SNAP47: variants seen among roughly 807,000 people sequenced by gnomAD.
SNAP47 encodes the protein synaptosome associated protein 47.
Under a neutral mutation model 31.4 loss-of-function variants are expected in SNAP47, and 20 were observed. That is an observed-to-expected ratio of 0.64 (90% confidence interval 0.45 to 0.93). The LOEUF (loss-of-function observed/expected upper bound fraction) is 0.93, where lower values mean the gene tolerates loss of function less well. SNAP47 is among the 40% of genes least tolerant of loss of function. SNAP47 has a pLI of 0.00. For synonymous variants in SNAP47, 194 were observed against 213.4 expected, an observed-to-expected ratio of 0.91 and a Z score of 0.79; for missense variants, 492 against 528.5, an observed-to-expected ratio of 0.93 and a Z score of 0.68.
intron 2 of SNAP47, among the ~76,000 whole-genome samples, chr1:227,749,979 A>G (rs111227755): frequency 3.3e-4 from 50 of 152,398 alleles, no homozygotes; most frequent in African/African-American, 1.1e-3. Flanking sequence ...TAGCACCCAC[A>G]GCTGCAGTGG....
upstream of SNAP47, chr1:227,732,266 A>G (rs769668323): frequency 5.3e-6 from 6 of 1,133,844 alleles, no homozygotes; most frequent in Non-Finnish European, 7.7e-6. Flanking sequence ...GGCCATGAAC[A>G]GCCAGGCCAC....
At chr1:227,755,336 T>C (rs1380236687) in intron 2 of SNAP47, among the ~76,000 whole-genome samples, 1 of 152,186 alleles carries the variant, frequency 6.6e-6, no homozygotes, top group Non-Finnish European at 1.5e-5. Flanking sequence ...CCCATGTAGC[T>C]GGACCACAGG....
chr1:227,736,917 A>T (rs1329809454), intron 1 of SNAP47, among the ~76,000 whole-genome samples: 1 of 151,932 alleles, frequency 6.6e-6, no homozygotes, highest in Non-Finnish European at 1.5e-5. Flanking sequence ...CTCCCTAGGT[A>T]TGTCTCTTGG....
chr1:227,773,561 C>T (rs1027792012), intron 4 of SNAP47, among the ~76,000 whole-genome samples: 6 of 152,242 alleles, frequency 3.9e-5, no homozygotes, highest in African/African-American at 1.4e-4. Context: ...TAAGCCTTCA[C>T]GCTCACTCAC....
Position 227,747,731 on chromosome 1 carries a change from G to C in SNAP47, c.-6G>C. Reference sequence around the variant, plus strand: ...TGGACCTTGGCGCACACAGACCCAGGAACAGATGAGCAGGGATGTCTGCAT... The same window carrying C: ...TGGACCTTGGCGCACACAGACCCAGCAACAGATGAGCAGGGATGTCTGCAT... On this transcript the variant is annotated 5_prime_UTR_variant, in exon 2 of 5. Transcript: ENST00000617596. The C allele has an allele frequency of 3.1e-6, 5 of 1,612,796 alleles. No individual in the cohort carries two copies. The highest frequency in any genetic ancestry group is 4.2e-6 in the Non-Finnish European group (5 of 1,179,018).
At chr1:227,743,497 C>G (rs1249020520) in intron 1 of SNAP47, among the ~76,000 whole-genome samples, 1 of 152,244 alleles carries the variant, frequency 6.6e-6, no homozygotes, top group Non-Finnish European at 1.5e-5. Flanking sequence ...GTAGTCACTG[C>G]TGGCCTCGGC....
chr1:227,745,520 C>CA (rs1229919968), intron 1 of SNAP47, among the ~76,000 whole-genome samples: 2 of 152,192 alleles, frequency 1.3e-5, no homozygotes, highest in African/African-American at 4.8e-5. Flanking sequence ...GAAGGACCCA[C>CA]ACCCCAGAAT....
chr1:227,731,908 C>T (rs1307446764), upstream of SNAP47: 1 of 169,018 alleles, frequency 5.9e-6, no homozygotes, highest in Non-Finnish European at 1.3e-5. Flanking sequence ...AGCCCATCAC[C>T]TGGAGGTGAT....
upstream of SNAP47, chr1:227,733,055 T>C: frequency 1.2e-6 from 2 of 1,611,648 alleles, no homozygotes; most frequent in South Asian, 2.2e-5. Context: ...CAGGCAGGCC[T>C]GAGCCCATGG....
Position 227,763,295 on chromosome 1 carries a change from CT to C in SNAP47, c.989-3661del, listed in dbSNP as rs945960872. Among the ~76,000 whole-genome samples the C allele has an allele frequency of 3.3e-5, 5 of 152,272 alleles. No homozygotes were observed. Among genetic ancestry groups the C allele is most frequent in the African/African-American group, 1.2e-4 (5 of 41,564 alleles). On this transcript the variant is annotated intron_variant, in intron 3 of 4. Coordinates refer to ENST00000617596, the MANE Select transcript of SNAP47 (RefSeq NM_053052.4). This position sits in a 1 kb window ranked among gnomAD's most constrained non-coding sequence, Gnocchi z 4.2. ...AGGCTGTTTGATCACTGAGATTTTT[CT>C]TTGTCACTCACTGCCTGTCTTGGGG... is the stretch of plus-strand genomic sequence containing the variant.
intron 2 of SNAP47, among the ~76,000 whole-genome samples, chr1:227,753,467 G>A (rs148949937): frequency 6.6e-6 from 1 of 152,250 alleles, no homozygotes; most frequent in African/African-American, 2.4e-5. Flanking sequence ...TGTCCCCTGT[G>A]GTGCAGAAAC....
chr1:227,732,952 CCTG>C, upstream of SNAP47: 1 of 1,613,288 alleles, frequency 6.2e-7, no homozygotes, highest in Non-Finnish European at 8.5e-7. Context: ...GCGCATAGCT[CCTG>C]CTGCAAGAAG....
At position 227,774,042 on chromosome 1, in the gene SNAP47, G is replaced by A. The variant is rs564119491; in HGVS notation, c.1114-6485G>A. ...GCTTCCCTCTGCTGTGGTTGGAGGA[G>A]ACACCTGCTGTGGATCCATCTCTCT... On this transcript the variant is annotated intron_variant, in intron 4 of 4. Transcript: ENST00000617596. Among the ~76,000 whole-genome samples, 52 of 152,346 alleles carry A rather than the reference G, an allele frequency of 3.4e-4. No homozygotes were observed. The Middle Eastern group carries it at 0.014, about 40-fold the overall frequency.
At chr1:227,743,261 G>T (rs531574663) in intron 1 of SNAP47, among the ~76,000 whole-genome samples, 2 of 152,308 alleles carry the variant, frequency 1.3e-5, no homozygotes, top group South Asian at 4.1e-4. Flanking sequence ...CTTGGCCTTG[G>T]TGTGTGCTGC....
chr1:227,775,667 A>G (rs1329808571), intron 4 of SNAP47: 2 of 1,004,296 alleles, frequency 2.0e-6, no homozygotes, highest in African/African-American at 1.7e-5. Context: ...GCATGGACAC[A>G]CAGCTGCTTT....
intron 1 of SNAP47, among the ~76,000 whole-genome samples, chr1:227,740,606 G>C (rs2102894463): frequency 6.6e-6 from 1 of 152,306 alleles, no homozygotes; most frequent in South Asian, 2.1e-4. Flanking sequence ...AGTGTGTGAT[G>C]AGTGAGTCCC....
At chr1:227,767,180 A>G in intron 4 of SNAP47, 97 bp downstream of exon 4, 1 of 1,524,192 alleles carries the variant, frequency 6.6e-7, no homozygotes, top group Non-Finnish European at 8.9e-7. Context: ...GCTCTGGGTC[A>G]TCCATCCGTA....
Position 227,762,746 on chromosome 1 carries a change from C to G in SNAP47, c.988+3261C>G, listed in dbSNP as rs899862922. On this transcript the variant is annotated intron_variant, in intron 3 of 4. Transcript: ENST00000617596. The surrounding 1 kb of genome is among the most constrained non-coding windows in gnomAD (Gnocchi z 4.2). ...CACTCGTCCTTGCGTTGAGGAGCACCCAGGACCGCACAATCACCCTCCTCA... is the reference window on the plus strand; with the variant it reads ...CACTCGTCCTTGCGTTGAGGAGCACGCAGGACCGCACAATCACCCTCCTCA... Among the ~76,000 whole-genome samples, 2 of 152,180 alleles carry G rather than the reference C, an allele frequency of 1.3e-5. No individual in the cohort carries two copies. The highest frequency in any genetic ancestry group is 2.9e-5 in the Non-Finnish European group (2 of 68,040).
intron 4 of SNAP47, chr1:227,776,724 AG>A: frequency 1.0e-6 from 1 of 985,482 alleles, no homozygotes; most frequent in Non-Finnish European, 1.2e-6. Flanking sequence ...AGCAGTTTGA[AG>A]GTTCGCTCAG....
Sources: allele counts gnomAD v4.1 joint callset (sites outside exome capture counted in the v4.1 genomes callset), GRCh38; gene constraint gnomAD v4.1.1; non-coding constraint Gnocchi (gnomAD v3.1); transcripts MANE v1.5; gene names NCBI Gene and HGNC (gene_info 2026-07-23, HGNC 2026-07-21).